Variants in PUM2 observed in about 807,000 individuals in gnomAD.
The protein encoded by PUM2 is pumilio homolog 2.
PUM2 carries 57 observed loss-of-function variants against 124.5 expected under a neutral mutation model. That is an observed-to-expected ratio of 0.46 (90% CI 0.37 to 0.57). PUM2 has a LOEUF of 0.57. PUM2 is among the 20% of genes least tolerant of loss of function. The pLI, the probability that PUM2 is intolerant of heterozygous loss-of-function variation, is 0.00. For missense variants in PUM2, 1,065 were observed against 1,290.6 expected, an observed-to-expected ratio of 0.83 and a Z score of 2.68; for synonymous variants, 460 against 446.1, an observed-to-expected ratio of 1.03 and a Z score of -0.39.
chr2:20,253,500 C>T (rs1438940100), intron 20 of PUM2, among the ~76,000 whole-genome samples: 2 of 151,554 alleles, frequency 1.3e-5, no homozygotes, highest in African/African-American at 4.8e-5. Flanking sequence ...TGATGCTTGT[C>T]TAATTGTTTT....
Position 20,334,550 on chromosome 2 carries a change from T to C in PUM2, c.-18-7172A>G, listed in dbSNP as rs533398853. On this transcript the variant is annotated intron_variant, in intron 1 of 20. Coordinates refer to ENST00000361078, the MANE Select transcript of PUM2 (RefSeq NM_015317.5). Reference sequence around the variant, plus strand: ...GGGATTAGTGACTGTCTTAGCTATGTAAACGTTCAACATTTAATGAATGAA... The same window carrying C: ...GGGATTAGTGACTGTCTTAGCTATGCAAACGTTCAACATTTAATGAATGAA... 2.4e-4 allele frequency among the ~76,000 whole-genome samples: 36 copies of C among 152,332 alleles called. No homozygotes were observed. The South Asian group carries it at 7.3e-3, about 31-fold the overall frequency.
In PUM2 at chr2:20,334,157, A is replaced by T. The variant is rs140908605; in HGVS notation, c.-18-6779T>A. ...GTTTCTACAAAAAAAATTTTTTTTT[A>T]AAAAATTAGCCAGGCATGGTGACAT... On this transcript the variant is annotated intron_variant, in intron 1 of 20. Transcript: ENST00000361078. Among the ~76,000 whole-genome samples, 138 of 151,906 alleles carry T rather than the reference A, an allele frequency of 9.1e-4. 1 individual carries two copies. In the East Asian group the frequency reaches 0.011, roughly 12 times the overall value.
chr2:20,270,681 T>C (rs1416544744), intron 13 of PUM2, among the ~76,000 whole-genome samples: 1 of 152,214 alleles, frequency 6.6e-6, no homozygotes, highest in East Asian at 1.9e-4. Flanking sequence ...AGCCAAATAA[T>C]GCTTTAATAT....
intron 1 of PUM2, among the ~76,000 whole-genome samples, chr2:20,340,954 T>C (rs1247399470): frequency 6.6e-6 from 1 of 152,222 alleles, no homozygotes; most frequent in South Asian, 2.1e-4. Context: ...GAAATTGAAA[T>C]GCAAGTGCTT....
chr2:20,266,489 CAAA>C (rs75589275), intron 13 of PUM2, among the ~76,000 whole-genome samples: 6 of 128,760 alleles, frequency 4.7e-5, no homozygotes, highest in African/African-American at 8.5e-5. Flanking sequence ...ACCCCCCCAC[CAAA>C]AAAAAAAAAA....
upstream of PUM2, among the ~76,000 whole-genome samples, chr2:20,351,883 C>T (rs1309270528): frequency 6.6e-6 from 1 of 152,220 alleles, no homozygotes; most frequent in African/African-American, 2.4e-5. Context: ...CTGTTGAATA[C>T]ACATGGGCTC....
chr2:20,282,920 G>C (rs1377889895), intron 12 of PUM2, 27 bp downstream of exon 12: 2 of 1,604,872 alleles, frequency 1.2e-6, no homozygotes, highest in African/African-American at 1.3e-5. Context: ...ACTTAGCAGA[G>C]TACACTCATC....
chr2:20,256,937 C>T (rs548544495), intron 16 of PUM2, among the ~76,000 whole-genome samples: 10 of 147,436 alleles, frequency 6.8e-5, no homozygotes, highest in Non-Finnish European at 1.5e-4. Context: ...CCAGCTACTT[C>T]GGAGGCTGAG....
In PUM2 at chr2:20,251,327, T is replaced by C; in HGVS notation, c.*258A>G. On this transcript the variant is annotated 3_prime_UTR_variant, in exon 21 of 21. Transcript: ENST00000361078. ...TTATTTTTGATACAGTTACATCATA[T>C]ACAGGCATTCTGTGCTTTGCCAGCA... 3.2e-6 allele frequency: 1 copy of C among 312,170 alleles called. No homozygotes were observed. The highest frequency in any genetic ancestry group is 5.9e-6 in the Non-Finnish European group (1 of 170,508). The allele number at this position is 312,170 out of a possible 1,614,324, so 19.3% of individuals were successfully genotyped here.
intron 1 of PUM2, chr2:20,331,834 T>A (rs770657876): frequency 1.3e-5 from 2 of 152,184 alleles, no homozygotes; most frequent in Non-Finnish European, 2.9e-5. Flanking sequence ...TTCTTACTGT[T>A]GGGATAAATC....
intron 7 of PUM2, among the ~76,000 whole-genome samples, chr2:20,307,417 T>G (rs1277139329): frequency 6.6e-6 from 1 of 151,918 alleles, no homozygotes; most frequent in South Asian, 2.1e-4. Context: ...AAAATAAAAC[T>G]ATACATACAT....
intron 14 of PUM2, among the ~76,000 whole-genome samples, 162 bp downstream of exon 14, chr2:20,263,031 T>C (rs908180345): frequency 2.6e-5 from 4 of 152,252 alleles, no homozygotes; most frequent in African/African-American, 9.6e-5. Context: ...CGTATTTTTA[T>C]AATTTATCCT....
chr2:20,349,705 C>T (rs1688929269), intron 1 of PUM2, among the ~76,000 whole-genome samples: 1 of 152,136 alleles, frequency 6.6e-6, no homozygotes, highest in South Asian at 2.1e-4. Context: ...TTTCTCTTCA[C>T]CGTTTACAAG....
intron 12 of PUM2, among the ~76,000 whole-genome samples, chr2:20,279,817 T>C (rs898894008): frequency 2.6e-5 from 4 of 152,110 alleles, no homozygotes; most frequent in Admixed American, 2.6e-4. Flanking sequence ...CTAAGGGCTG[T>C]CCAAACTCTC....
At chr2:20,331,177 A>T (rs1684836697) in intron 1 of PUM2, among the ~76,000 whole-genome samples, 1 of 151,642 alleles carries the variant, frequency 6.6e-6, no homozygotes, top group Admixed American at 6.6e-5. Context: ...AAAGAATGAA[A>T]GGGTAGGGGA....
chr2:20,334,797 C>T (rs150474736), intron 1 of PUM2, among the ~76,000 whole-genome samples: 20 of 152,338 alleles, frequency 1.3e-4, no homozygotes, highest in African/African-American at 4.6e-4. Flanking sequence ...TTCTCCAAGT[C>T]TGTCATCTAC....
intron 12 of PUM2, among the ~76,000 whole-genome samples, chr2:20,281,003 T>C (rs1031878404): frequency 1.3e-5 from 2 of 152,184 alleles, no homozygotes; most frequent in African/African-American, 2.4e-5. Context: ...ATGTTACTTG[T>C]ATATGTGTAT....
intron 1 of PUM2, among the ~76,000 whole-genome samples, chr2:20,343,854 G>C (rs548222397): frequency 1.3e-5 from 2 of 152,110 alleles, no homozygotes; most frequent in Non-Finnish European, 2.9e-5. Flanking sequence ...GCTTGAGACT[G>C]GGCAGTTGAG....
chr2:20,351,522 C>G (rs144844314), upstream of PUM2, among the ~76,000 whole-genome samples: 1 of 152,354 alleles, frequency 6.6e-6, no homozygotes, highest in East Asian at 1.9e-4. Flanking sequence ...GCCAGTGATT[C>G]TCACTCGTTG....
Sources: allele counts gnomAD v4.1 joint callset (sites outside exome capture counted in the v4.1 genomes callset), GRCh38; gene constraint gnomAD v4.1.1; transcripts MANE v1.5; gene names NCBI Gene and HGNC (gene_info 2026-07-23, HGNC 2026-07-21).